The following PKP4 variants were observed in gnomAD, a reference collection of about 807,000 sequenced individuals.
The protein encoded by PKP4 is plakophilin-4.
In PKP4, 90 loss-of-function variants were observed where a neutral mutation model predicts 145.1. The ratio of observed to expected loss-of-function variants is 0.62; its 90% confidence interval spans 0.52 to 0.74. The LOEUF is 0.74. PKP4 is among the 30% of genes least tolerant of loss of function. PKP4 has a pLI of 0.00. For synonymous variants in PKP4, 563 were observed against 577.2 expected (o/e 0.98, Z 0.35); for missense variants, 1,340 against 1,482.7 (o/e 0.90, Z 1.58).
chr2:158,490,909 C>A (rs1694841664), intron 1 of PKP4, among the ~76,000 whole-genome samples: 1 of 152,132 alleles, frequency 6.6e-6, no homozygotes, highest in South Asian at 2.1e-4. Flanking sequence ...TTTCTTTATC[C>A]CCATCTTCTA....
At chr2:158,566,338 A>C (rs1223833325) in intron 2 of PKP4, among the ~76,000 whole-genome samples, 1 of 152,040 alleles carries the variant, frequency 6.6e-6, no homozygotes, top group African/African-American at 2.4e-5. Context: ...GGAAGGAGAA[A>C]ATTGGTCATT....
At chr2:158,563,518 A>T (rs1177264237) in intron 2 of PKP4, among the ~76,000 whole-genome samples, 1 of 151,996 alleles carries the variant, frequency 6.6e-6, no homozygotes, top group African/African-American at 2.4e-5. Context: ...GCACATTTGG[A>T]TTTACTTCAA....
chr2:158,680,284 T>C, intron 21 of PKP4, 145 bp from the exon 22 acceptor site: 2 of 648,582 alleles, frequency 3.1e-6, no homozygotes, highest in South Asian at 4.0e-5. Flanking sequence ...ACGCATAGTG[T>C]GCACCAGAAA....
At chr2:158,636,596 G>GT (rs1046029143) in intron 9 of PKP4, among the ~76,000 whole-genome samples, 5 of 151,274 alleles carry the variant, frequency 3.3e-5, no homozygotes, top group South Asian at 4.2e-4. Flanking sequence ...AATTCTTTAA[G>GT]TTTTTTTTTC....
At chr2:158,515,272 G>A (rs1422982844) in intron 1 of PKP4, among the ~76,000 whole-genome samples, 1 of 152,164 alleles carries the variant, frequency 6.6e-6, no homozygotes, top group South Asian at 2.1e-4. Flanking sequence ...CCTGGAGTAG[G>A]CTGGGCTTTT....
intron 2 of PKP4, among the ~76,000 whole-genome samples, chr2:158,570,087 G>A (rs2047298051): frequency 6.6e-6 from 1 of 152,176 alleles, no homozygotes; most frequent in South Asian, 2.1e-4. Context: ...CTACCAAGTA[G>A]ACATAATAAT....
rs1376494261 is a variant in PKP4, at chr2:158,669,933, AG to A, written c.2924+20del. 4 of 1,588,010 alleles carry A rather than the reference AG, an allele frequency of 2.5e-6. No homozygotes were observed. In the South Asian group the frequency reaches 4.6e-5, roughly 18 times the overall value. On this transcript the variant is annotated intron_variant, in intron 17 of 21. Transcript: ENST00000389759. ...GGCGACAGGCAAGTCTGCGGCAAGG[AG>A]GTGCAAGCAGTGCTCTTATTCCTGA... is the stretch of plus-strand genomic sequence containing the variant.
intron 2 of PKP4, among the ~76,000 whole-genome samples, chr2:158,563,669 C>T (rs1486321717): frequency 6.6e-6 from 1 of 151,922 alleles, no homozygotes; most frequent in East Asian, 1.9e-4. Context: ...ATCACAACCT[C>T]AGCATTGGAA....
At chr2:158,481,078 G>C (rs992014812) in intron 1 of PKP4, among the ~76,000 whole-genome samples, 2 of 152,076 alleles carry the variant, frequency 1.3e-5, no homozygotes, top group African/African-American at 4.8e-5. Flanking sequence ...CTTTTTAAAA[G>C]TGATATTATA....
chr2:158,551,400 A>G (rs907994429), intron 2 of PKP4, among the ~76,000 whole-genome samples: 1 of 152,212 alleles, frequency 6.6e-6, no homozygotes, highest in Non-Finnish European at 1.5e-5. Flanking sequence ...TCCCAAGGTA[A>G]TTGATCATAT....
chr2:158,587,616 A>G (rs1193783509), intron 3 of PKP4, among the ~76,000 whole-genome samples: 1 of 152,000 alleles, frequency 6.6e-6, no homozygotes, highest in African/African-American at 2.4e-5. Context: ...TACTATTATT[A>G]TTTTCCCCTT....
intron 1 of PKP4, among the ~76,000 whole-genome samples, chr2:158,487,061 T>A (rs1694268871): frequency 6.6e-6 from 1 of 152,184 alleles, no homozygotes; most frequent in African/African-American, 2.4e-5. Flanking sequence ...TACATCAGCA[T>A]CCTTATATAA....
At chr2:158,571,038 G>A (rs796933171) in intron 2 of PKP4, among the ~76,000 whole-genome samples, 9 of 152,274 alleles carry the variant, frequency 5.9e-5, no homozygotes, top group African/African-American at 2.2e-4. Context: ...CCTCCACTAA[G>A]CCTGGAAGAG....
At chr2:158,642,418 G>A (rs1482647879) in intron 10 of PKP4, 68 bp from the exon 11 acceptor site, 16 of 1,152,990 alleles carry the variant, frequency 1.4e-5, no homozygotes, top group Non-Finnish European at 1.9e-5. Flanking sequence ...TCTCCATAAC[G>A]GACTTCTGTA....
At chr2:158,536,534 T>C (rs900158520) in intron 2 of PKP4, among the ~76,000 whole-genome samples, 2 of 152,148 alleles carry the variant, frequency 1.3e-5, no homozygotes, top group Non-Finnish European at 2.9e-5. Flanking sequence ...AAGCAACCAA[T>C]AGCAGTCTTG....
At chr2:158,483,663 T>A (rs758418622) in intron 1 of PKP4, among the ~76,000 whole-genome samples, 2 of 152,176 alleles carry the variant, frequency 1.3e-5, no homozygotes, top group Non-Finnish European at 1.5e-5. Context: ...TAATGCCATT[T>A]TGAAACTTTT....
In PKP4 at chr2:158,549,563, G is replaced by T. The variant is rs79124466; in HGVS notation, c.132+16247G>T. The stretch of plus-strand genomic sequence containing the variant: ...CTATTCCACACACTAAGGGCTGCTG[G>T]GCCTGCAGGTGGTTAGGTGCCATTG... On this transcript the variant is annotated intron_variant, in intron 2 of 21. Transcript: ENST00000389759. Among the ~76,000 whole-genome samples, 283 of 152,050 alleles carry T rather than the reference G, an allele frequency of 1.9e-3. 9 individuals carry two copies. In the East Asian group the frequency reaches 0.047, roughly 25 times the overall value.
At position 158,620,987 on chromosome 2, in the gene PKP4, C is replaced by A; in HGVS notation, c.281-3C>A. On this transcript the variant is annotated splice_region_variant and splice_polypyrimidine_tract_variant and intron_variant, in intron 4 of 21. Transcript: ENST00000389759. ...TTAGCTGATTAAACTTTTCTTGTTA[C>A]AGACGTGCCAAATACTGGTGTAAGC... 6.2e-7 allele frequency: 1 copy of A among 1,613,236 alleles called. No individual in the cohort carries two copies. The highest frequency in any genetic ancestry group is 8.5e-7 in the Non-Finnish European group (1 of 1,179,436).
intron 1 of PKP4, among the ~76,000 whole-genome samples, chr2:158,507,358 G>T (rs1249344699): frequency 6.6e-6 from 1 of 152,206 alleles, no homozygotes; most frequent in Non-Finnish European, 1.5e-5. Context: ...TTCAGTAGCT[G>T]CCCATGGCAG....
Sources: allele counts gnomAD v4.1 joint callset (sites outside exome capture counted in the v4.1 genomes callset), GRCh38; gene constraint gnomAD v4.1.1; transcripts MANE v1.5; gene names NCBI Gene and HGNC (gene_info 2026-07-23, HGNC 2026-07-21).